FER: variants seen among roughly 807,000 people sequenced by gnomAD.
FER encodes the protein FER tyrosine kinase.
FER carries 63 observed loss-of-function variants against 111.0 expected under a neutral mutation model. The ratio of observed to expected loss-of-function variants is 0.57; its 90% confidence interval spans 0.46 to 0.70. FER has a LOEUF of 0.70. Among genes scored for constraint, FER ranks in the 30% least tolerant of loss-of-function variants. The probability of loss-of-function intolerance (pLI) is 0.00; values close to 1 mark genes in which losing one functional copy is unlikely to be tolerated. For missense variants in FER, 914 were observed against 954.0 expected, an observed-to-expected ratio of 0.96 and a Z score of 0.55; for synonymous variants, 327 against 313.9, an observed-to-expected ratio of 1.04 and a Z score of -0.44.
intron 2 of FER, among the ~76,000 whole-genome samples, chr5:108,773,949 TTCTGGTATACATG>T (rs1231243041): frequency 6.6e-6 from 1 of 152,146 alleles, no homozygotes; most frequent in African/African-American, 2.4e-5. Flanking sequence ...TTACTTTAAG[TTCTGGTATACATG>T]TGCAGAATGT....
At chr5:109,004,421 G>A (rs1765234135) in intron 13 of FER, among the ~76,000 whole-genome samples, 1 of 152,000 alleles carries the variant, frequency 6.6e-6, no homozygotes, top group African/African-American at 2.4e-5. Context: ...GCCATTTAAG[G>A]ATCCTAACCA....
intron 17 of FER, among the ~76,000 whole-genome samples, chr5:109,111,714 C>T (rs1000401194): frequency 7.2e-5 from 11 of 152,062 alleles, no homozygotes; most frequent in African/African-American, 2.7e-4. Context: ...TAAGCACTTT[C>T]TTCACATAGC....
chr5:108,790,030 A>C (rs1370560500), intron 2 of FER, among the ~76,000 whole-genome samples: 1 of 152,182 alleles, frequency 6.6e-6, no homozygotes, highest in African/African-American at 2.4e-5. Flanking sequence ...TTTTTTTAAA[A>C]AATGTAAAAT....
intron 5 of FER, among the ~76,000 whole-genome samples, chr5:108,839,284 A>C (rs553411546): frequency 6.6e-6 from 1 of 152,324 alleles, no homozygotes; most frequent in African/African-American, 2.4e-5. Context: ...GGCTCCCACA[A>C]ATCAGGTGAA....
chr5:109,137,916 T>C (rs1245706192), intron 17 of FER, among the ~76,000 whole-genome samples: 2 of 152,196 alleles, frequency 1.3e-5, no homozygotes, highest in Admixed American at 6.5e-5. Context: ...TTGATTTAAC[T>C]TGGGAATGCT....
At chr5:108,888,230 T>TA (rs1747470596) in intron 9 of FER, among the ~76,000 whole-genome samples, 3 of 151,660 alleles carry the variant, frequency 2.0e-5, no homozygotes, top group Admixed American at 6.6e-5. Flanking sequence ...TTATGTGATT[T>TA]AAAAAAAATG....
intron 14 of FER, among the ~76,000 whole-genome samples, chr5:109,043,042 T>C (rs1446659973): frequency 2.0e-5 from 3 of 152,118 alleles, no homozygotes; most frequent in Non-Finnish European, 4.4e-5. Flanking sequence ...GGTAATAGAA[T>C]TGAGGTCATG....
At position 108,818,531 on chromosome 5, in the gene FER, C is replaced by G. The variant is rs571819327; in HGVS notation, c.208-14239C>G. On this transcript the variant is annotated intron_variant, in intron 3 of 19. Transcript: ENST00000281092. ...TAATAATATTAATATTAATATACAA[C>G]TCAGAATTCTGAAAAATGTTCTAAA... Among the ~76,000 whole-genome samples, 4 of 152,186 alleles carry G rather than the reference C, an allele frequency of 2.6e-5. 1 individual carries two copies. In the South Asian group the frequency reaches 8.3e-4, roughly 32 times the overall value.
chr5:109,115,463 G>A (rs1330534503), intron 17 of FER, among the ~76,000 whole-genome samples: 4 of 152,116 alleles, frequency 2.6e-5, no homozygotes, highest in Non-Finnish European at 5.9e-5. Flanking sequence ...CATGGAGATA[G>A]CAAAGTAAGT....
intron 3 of FER, among the ~76,000 whole-genome samples, chr5:108,820,917 G>C (rs9326749): frequency 0.23 from 34,607 of 152,100 alleles, 4,118 homozygotes; most frequent in African/African-American, 0.28. Flanking sequence ...CTTGGGACCA[G>C]CCTGGCCAAC....
intron 9 of FER, chr5:108,894,424 T>C: frequency 1.7e-6 from 1 of 599,552 alleles, no homozygotes; most frequent in Non-Finnish European, 2.6e-6. Context: ...GGCAACTGCA[T>C]GTATCGGACC....
intron 13 of FER, among the ~76,000 whole-genome samples, chr5:109,026,518 A>G (rs945662080): frequency 1.4e-4 from 22 of 152,128 alleles, no homozygotes; most frequent in African/African-American, 5.1e-4. Context: ...AAAAGGTTCT[A>G]TGGCTGAGAC....
At chr5:108,851,620 A>C (rs1276293316) in intron 5 of FER, among the ~76,000 whole-genome samples, 1 of 152,254 alleles carries the variant, frequency 6.6e-6, no homozygotes, top group Non-Finnish European at 1.5e-5. Context: ...ATATGTAAGC[A>C]AAACCATATT....
rs1394651956 is a variant in FER, at chr5:109,190,926, A to C, written c.*3351A>C. 1 of 152,162 alleles carries C rather than the reference A, an allele frequency of 6.6e-6. No individual in the cohort carries two copies. Among genetic ancestry groups the C allele is most frequent in the Non-Finnish European group, 1.5e-5 (1 of 68,012 alleles). 9.4% of individuals were successfully genotyped at this position (152,162 alleles called of 1,614,324 possible). ...TCATTTTAGGATTATTTTGAGAAGA[A>C]AAAATGTTTTGTAATTGAAATAGTT... is the stretch of plus-strand genomic sequence containing the variant. On this transcript the variant is annotated 3_prime_UTR_variant, in exon 20 of 20. Transcript: ENST00000281092.
intron 17 of FER, among the ~76,000 whole-genome samples, chr5:109,173,904 T>G (rs918275057): frequency 1.2e-4 from 18 of 152,248 alleles, no homozygotes; most frequent in African/African-American, 3.9e-4. Context: ...CTGTAGGGCA[T>G]TGAACCAACC....
intron 2 of FER, among the ~76,000 whole-genome samples, chr5:108,793,519 C>CG (rs144848588): frequency 0.051 from 5,295 of 103,046 alleles, 246 homozygotes; most frequent in South Asian, 0.16. Context: ...TTTGGCGGGG[C>CG]GGGGGGGGTG....
At chr5:109,118,186 A>G (rs1293919883) in intron 17 of FER, among the ~76,000 whole-genome samples, 6 of 152,112 alleles carry the variant, frequency 3.9e-5, no homozygotes, top group Non-Finnish European at 8.8e-5. Context: ...TCCCATCAAT[A>G]CCTAATTCAT....
intron 1 of FER, among the ~76,000 whole-genome samples, chr5:108,755,885 G>C (rs35398495): frequency 0.52 from 78,585 of 149,728 alleles, 22,063 homozygotes; most frequent in African/African-American, 0.72. Flanking sequence ...GGCACTGTGG[G>C]TCACACCTGT....
At chr5:108,881,360 G>T (rs925660654) in intron 8 of FER, among the ~76,000 whole-genome samples, 1 of 152,112 alleles carries the variant, frequency 6.6e-6, no homozygotes. Flanking sequence ...AGTTTGTGCA[G>T]GGGAACTCTT....
Sources: gnomAD v4.1 joint callset for allele counts (sites outside exome capture counted in the v4.1 genomes callset) on GRCh38, gnomAD v4.1.1 for gene constraint, MANE v1.5 for transcripts, NCBI Gene and HGNC (gene_info 2026-07-23, HGNC 2026-07-21) for gene names.